The following LRRC4C variants were observed in gnomAD, a reference collection of about 807,000 sequenced individuals.
The protein encoded by LRRC4C is leucine rich repeat containing 4C, also known as leucine-rich repeat-containing protein 4C.
A neutral mutation model predicts 33.6 loss-of-function variants in LRRC4C; 5 were observed. The ratio of observed to expected loss-of-function variants is 0.15; its 90% CI spans 0.08 to 0.31. The LOEUF (loss-of-function observed/expected upper bound fraction) is 0.31. Ranked by LOEUF, LRRC4C falls within the 10% of genes least tolerant of loss-of-function variation. The pLI is 1.00. For missense variants in LRRC4C, 560 were observed against 796.7 expected (o/e 0.70, Z 3.58); for synonymous variants, 329 against 302.0 (o/e 1.09, Z -0.93).
At chr11:40,806,008 A>G (rs990316098) in intron 2 of LRRC4C, among the ~76,000 whole-genome samples, 4 of 152,180 alleles carry the variant, frequency 2.6e-5, no homozygotes, top group African/African-American at 9.6e-5. Flanking sequence ...AATTACTCCA[A>G]ATGGCCCCTA....
intron 1 of LRRC4C, among the ~76,000 whole-genome samples, chr11:40,963,500 G>A (rs1164832378): frequency 6.6e-6 from 1 of 151,718 alleles, no homozygotes; most frequent in Non-Finnish European, 1.5e-5. Flanking sequence ...GAGGAGATGA[G>A]CTTTGAATTT....
In LRRC4C at chr11:40,638,980, G is replaced by A. The variant is rs57626443; in HGVS notation, c.-270+9162C>T. On this transcript the variant is annotated intron_variant, in intron 3 of 6. Transcript: ENST00000528697. ...TCTTCAAGGCAGGCTTAACAGCTCC[G>A]AGGCTCCGAAGTTGGTGGCCCTTTG... Among the ~76,000 whole-genome samples, 488 of 152,050 alleles carry A rather than the reference G, an allele frequency of 3.2e-3. 2 individuals carry two copies. Among genetic ancestry groups the A allele is most frequent in the African/African-American group, 0.011 (472 of 41,496 alleles).
chr11:41,419,409 G>A (rs1046633553), intron 1 of LRRC4C, among the ~76,000 whole-genome samples: 5 of 151,880 alleles, frequency 3.3e-5, no homozygotes, highest in African/African-American at 1.2e-4. Flanking sequence ...GAAACATCGA[G>A]AGATTGATGC....
intron 2 of LRRC4C, among the ~76,000 whole-genome samples, chr11:40,796,635 CTTTTTTT>C (rs1188389556): frequency 3.8e-5 from 4 of 104,928 alleles, no homozygotes; most frequent in Admixed American, 1.1e-4. Context: ...AAGCAGAACT[CTTTTTTT>C]TTTTTTTTTT....
At chr11:41,284,234 C>G (rs144214871) in intron 1 of LRRC4C, among the ~76,000 whole-genome samples, 1 of 152,262 alleles carries the variant, frequency 6.6e-6, no homozygotes, top group African/African-American at 2.4e-5. Flanking sequence ...ATTGCTAAAA[C>G]AATCACGAAT....
At chr11:41,285,915 C>T (rs549163674) in intron 1 of LRRC4C, among the ~76,000 whole-genome samples, 3 of 152,090 alleles carry the variant, frequency 2.0e-5, no homozygotes, top group Non-Finnish European at 2.9e-5. Context: ...TTGCAACCTC[C>T]GCCTCCCAGG....
chr11:40,582,882 T>A (rs1251976076), intron 3 of LRRC4C, among the ~76,000 whole-genome samples: 1 of 152,182 alleles, frequency 6.6e-6, no homozygotes, highest in Non-Finnish European at 1.5e-5. Context: ...TGATATGTTT[T>A]GATACATGCA....
chr11:41,146,790 CA>C (rs1454654840), intron 1 of LRRC4C, among the ~76,000 whole-genome samples: 4 of 152,222 alleles, frequency 2.6e-5, no homozygotes, highest in Non-Finnish European at 4.4e-5. Flanking sequence ...CATAGCCAGG[CA>C]TTACATGCCA....
At chr11:40,304,634 G>A (rs1187349498) in intron 4 of LRRC4C, among the ~76,000 whole-genome samples, 1 of 151,978 alleles carries the variant, frequency 6.6e-6, no homozygotes, top group South Asian at 2.1e-4. Context: ...TCATTCAAAG[G>A]CATCTTATTA....
chr11:40,714,468 A>G (rs1012373699), intron 2 of LRRC4C, among the ~76,000 whole-genome samples: 2 of 152,198 alleles, frequency 1.3e-5, no homozygotes, highest in Non-Finnish European at 2.9e-5. Context: ...ACCACAGATT[A>G]TGAGCTAAGT....
intron 2 of LRRC4C, among the ~76,000 whole-genome samples, chr11:40,704,934 A>C (rs1208230686): frequency 6.6e-6 from 1 of 152,156 alleles, no homozygotes. Flanking sequence ...AAATAATTCC[A>C]AAAATTTGAT....
At chr11:40,686,637 G>C (rs1186200984) in intron 2 of LRRC4C, among the ~76,000 whole-genome samples, 1 of 152,046 alleles carries the variant, frequency 6.6e-6, no homozygotes, top group Non-Finnish European at 1.5e-5. Context: ...ATGATGAGTA[G>C]CCTTTTCCCC....
chr11:40,582,363 A>C (rs922500461), intron 3 of LRRC4C, among the ~76,000 whole-genome samples: 1 of 152,152 alleles, frequency 6.6e-6, no homozygotes, highest in Non-Finnish European at 1.5e-5. Context: ...TATACTTAGA[A>C]GTTTTAAATT....
chr11:40,679,677 G>A (rs1448124363), intron 2 of LRRC4C, among the ~76,000 whole-genome samples: 4 of 152,214 alleles, frequency 2.6e-5, no homozygotes, highest in Non-Finnish European at 5.9e-5. Flanking sequence ...TGTTGAGCCT[G>A]TGAGTACACA....
intron 2 of LRRC4C, among the ~76,000 whole-genome samples, chr11:40,663,534 A>G (rs1943558207): frequency 6.6e-6 from 1 of 152,256 alleles, no homozygotes; most frequent in South Asian, 2.1e-4. Flanking sequence ...AAACAAAGAA[A>G]GATGACAGCA....
chr11:40,870,311 A>T (rs1954574767), intron 2 of LRRC4C, among the ~76,000 whole-genome samples: 1 of 152,150 alleles, frequency 6.6e-6, no homozygotes, highest in Non-Finnish European at 1.5e-5. Context: ...GCTGTGCTCC[A>T]TGAATTGGTG....
intron 4 of LRRC4C, among the ~76,000 whole-genome samples, chr11:40,288,691 T>C (rs1944003420): frequency 6.6e-6 from 1 of 152,226 alleles, no homozygotes; most frequent in Non-Finnish European, 1.5e-5. Context: ...TATATTCTAA[T>C]GAGTCTTTAG....
chr11:41,327,886 G>A (rs1206683947), intron 1 of LRRC4C, among the ~76,000 whole-genome samples: 1 of 152,124 alleles, frequency 6.6e-6, no homozygotes, highest in African/African-American at 2.4e-5. Flanking sequence ...GGGCTCCCCA[G>A]CCATGATGAA....
chr11:40,173,759 A>T (rs16934415), intron 5 of LRRC4C, among the ~76,000 whole-genome samples: 4,036 of 152,312 alleles, frequency 0.026, 187 homozygotes, highest in African/African-American at 0.092. Context: ...TAGTAAAAAT[A>T]GTACATAGTT....
Sources: allele counts gnomAD v4.1 joint callset (sites outside exome capture counted in the v4.1 genomes callset), GRCh38; gene constraint gnomAD v4.1.1; transcripts MANE v1.5; gene names NCBI Gene and HGNC (gene_info 2026-07-23, HGNC 2026-07-21).